Variants in LRBA observed in about 807,000 individuals in gnomAD.
LRBA encodes the protein lipopolysaccharide-responsive and beige-like anchor protein.
In LRBA, 176 loss-of-function variants were observed where a neutral mutation model predicts 330.0. That is an observed-to-expected ratio of 0.53 (90% CI 0.47 to 0.60). The LOEUF (loss-of-function observed/expected upper bound fraction) is 0.60. Among genes scored for constraint, LRBA ranks in the 20% least tolerant of loss-of-function variants. LRBA has a pLI of 0.00. For missense variants in LRBA, 3,259 were observed against 3,444.8 expected, an observed-to-expected ratio of 0.95 and a Z score of 1.35; for synonymous variants, 1,230 against 1,193.0, an observed-to-expected ratio of 1.03 and a Z score of -0.64.
intron 22 of LRBA, among the ~76,000 whole-genome samples, chr4:150,855,024 AAGGTGGGCAGATCACCTGAGGTC>A (rs1751060308): frequency 6.6e-6 from 1 of 152,134 alleles, no homozygotes; most frequent in African/African-American, 2.4e-5. Context: ...TTAGGAGTCC[AAGGTGGGCAGATCACCTGAGGTC>A]AGGAGTTTGA....
At chr4:150,759,587 T>C (rs1254662233) in intron 35 of LRBA, among the ~76,000 whole-genome samples, 4 of 152,332 alleles carry the variant, frequency 2.6e-5, no homozygotes, top group Admixed American at 2.6e-4. Context: ...CAACCTTTTT[T>C]ACTTCCTTCA....
intron 40 of LRBA, among the ~76,000 whole-genome samples, chr4:150,531,485 T>A (rs985619316): frequency 6.6e-6 from 1 of 152,178 alleles, no homozygotes; most frequent in Admixed American, 6.6e-5. Context: ...CCTTAGTAAT[T>A]ATCACCATAT....
intron 50 of LRBA, among the ~76,000 whole-genome samples, chr4:150,319,333 AC>A (rs1732160260): frequency 6.6e-6 from 1 of 152,124 alleles, no homozygotes; most frequent in African/African-American, 2.4e-5. Context: ...ACAAACAGCC[AC>A]CCAGGATAAG....
chr4:150,296,915 C>T (rs1341998336), intron 53 of LRBA, among the ~76,000 whole-genome samples: 1 of 151,532 alleles, frequency 6.6e-6, no homozygotes, highest in Non-Finnish European at 1.5e-5. Flanking sequence ...CGCGCCCACC[C>T]CCACCGCCGG....
At chr4:150,277,312 C>T (rs1489821799) in intron 56 of LRBA, among the ~76,000 whole-genome samples, 1 of 151,988 alleles carries the variant, frequency 6.6e-6, no homozygotes, top group Non-Finnish European at 1.5e-5. Context: ...AGGAGAAATA[C>T]CTAATGTAGA....
intron 2 of LRBA, among the ~76,000 whole-genome samples, chr4:150,976,912 A>G (rs1413592426): frequency 6.6e-6 from 1 of 152,190 alleles, no homozygotes; most frequent in Non-Finnish European, 1.5e-5. Context: ...CTACAGAGAG[A>G]GTATTAAGAC....
intron 9 of LRBA, among the ~76,000 whole-genome samples, chr4:150,913,242 C>T (rs1579183859): frequency 1.3e-5 from 2 of 152,192 alleles, no homozygotes; most frequent in South Asian, 2.1e-4. Context: ...CCGAGGCGGG[C>T]GGATCACCTG....
At chr4:150,513,629 T>C (rs1581547079) in intron 40 of LRBA, among the ~76,000 whole-genome samples, 1 of 152,268 alleles carries the variant, frequency 6.6e-6, no homozygotes, top group Admixed American at 6.5e-5. Context: ...GCCAGCCAGT[T>C]TGGTTCCTGC....
chr4:150,519,511 A>T (rs1403413423), intron 40 of LRBA, among the ~76,000 whole-genome samples: 1 of 152,072 alleles, frequency 6.6e-6, no homozygotes, highest in Non-Finnish European at 1.5e-5. Context: ...AAAGTTTTTG[A>T]GGTTGTTCCA....
rs76470984 is a variant in LRBA, at chr4:150,905,682, T to C, written c.1755+156A>G. On this transcript the variant is annotated intron_variant, in intron 13 of 56. Coordinates refer to ENST00000651943, the MANE Select transcript of LRBA (RefSeq NM_001364905.1). ...CACACACACAATTTGCAATTTTTCC[T>C]GAAGAGTAAAAAAGGATGCTTAGTC... is the stretch of plus-strand genomic sequence containing the variant. 4.2e-3 allele frequency among the ~76,000 whole-genome samples: 644 copies of C among 152,162 alleles called. 1 individual carries two copies. Among genetic ancestry groups the C allele is most frequent in the African/African-American group, 0.015 (603 of 41,552 alleles).
intron 28 of LRBA, among the ~76,000 whole-genome samples, chr4:150,833,578 C>T (rs1422112571): frequency 1.3e-5 from 2 of 152,076 alleles, no homozygotes; most frequent in Non-Finnish European, 2.9e-5. Flanking sequence ...AATTGTACAA[C>T]AGCATTGTAT....
chr4:150,530,608 T>C (rs1484058106), intron 40 of LRBA, among the ~76,000 whole-genome samples: 1 of 152,212 alleles, frequency 6.6e-6, no homozygotes, highest in East Asian at 1.9e-4. Context: ...TAAATTCATC[T>C]GGCAGCTGGC....
At chr4:150,440,937 T>A (rs1414320205) in intron 44 of LRBA, among the ~76,000 whole-genome samples, 1 of 152,116 alleles carries the variant, frequency 6.6e-6, no homozygotes, top group Non-Finnish European at 1.5e-5. Flanking sequence ...ATTCTGCTTA[T>A]GAGATAATAA....
intron 2 of LRBA, among the ~76,000 whole-genome samples, chr4:150,948,248 A>G (rs992770460): frequency 6.6e-6 from 1 of 152,098 alleles, no homozygotes; most frequent in African/African-American, 2.4e-5. Context: ...AGCTACAGCA[A>G]TCAACACTGT....
At chr4:150,459,651 A>G (rs1051712777) in intron 44 of LRBA, among the ~76,000 whole-genome samples, 1 of 151,940 alleles carries the variant, frequency 6.6e-6, no homozygotes, top group African/African-American at 2.4e-5. Context: ...TTCCCTCACA[A>G]TCCTACAAAT....
chr4:150,852,780 T>G lies in LRBA; in HGVS notation c.2930A>C (p.Lys977Thr). Residue 977 changes from lysine (K) to threonine (T), a missense_variant, in exon 23 of 57, where the codon AAG becomes ACG. Transcript: ENST00000651943. ...GAAATGAGGACAGACAGGAGAATCC[T>G]TCGTATCTGGTTGCTGGGATCCTAC... ...VSVGSQQPDT[K>T]DSPVCPHFTT... 6.2e-7 allele frequency: 1 copy of G among 1,614,034 alleles called. No homozygotes were observed. Among genetic ancestry groups the G allele is most frequent in the South Asian group, 1.1e-5 (1 of 91,060 alleles).
intron 46 of LRBA, among the ~76,000 whole-genome samples, chr4:150,421,299 T>C (rs1199760014): frequency 1.4e-5 from 2 of 143,730 alleles, no homozygotes; most frequent in African/African-American, 2.5e-5. Context: ...ATACATATAT[T>C]ATATATATAA....
intron 48 of LRBA, among the ~76,000 whole-genome samples, chr4:150,332,755 G>A (rs1387534804): frequency 6.6e-6 from 1 of 152,066 alleles, no homozygotes; most frequent in Non-Finnish European, 1.5e-5. Context: ...AAAACCTGAA[G>A]TCAGCAGGCA....
At chr4:150,847,471 G>A (rs991345887) in intron 26 of LRBA, among the ~76,000 whole-genome samples, 1 of 151,892 alleles carries the variant, frequency 6.6e-6, no homozygotes, top group Non-Finnish European at 1.5e-5. Context: ...TTATACTTGT[G>A]GCAAAAAGCA....
Sources: gnomAD v4.1 joint callset for allele counts (sites outside exome capture counted in the v4.1 genomes callset) on GRCh38, gnomAD v4.1.1 for gene constraint, MANE v1.5 for transcripts, NCBI Gene and HGNC (gene_info 2026-07-23, HGNC 2026-07-21) for gene names.